The following SORCS1 variants were observed in gnomAD, a reference collection of about 807,000 sequenced individuals.
The protein encoded by SORCS1 is sortilin related VPS10 domain containing receptor 1.
A neutral mutation model predicts 146.1 loss-of-function variants in SORCS1; 60 were observed. The observed-to-expected ratio is 0.41, with a 90% CI of 0.33 to 0.51. The LOEUF is 0.51. SORCS1 is among the 20% of genes least tolerant of loss of function. The pLI is 0.21. For synonymous variants in SORCS1, 637 were observed against 584.0 expected, an observed-to-expected ratio of 1.09 and a Z score of -1.31; for missense variants, 1,352 against 1,487.6, an observed-to-expected ratio of 0.91 and a Z score of 1.50.
intron 3 of SORCS1, among the ~76,000 whole-genome samples, chr10:106,810,178 G>A (rs907935485): frequency 1.3e-5 from 2 of 152,078 alleles, no homozygotes; most frequent in Non-Finnish European, 2.9e-5. Context: ...CTGAGATCAT[G>A]TCACTGCATT....
At chr10:106,824,857 C>T (rs1310338545) in intron 3 of SORCS1, among the ~76,000 whole-genome samples, 2 of 152,110 alleles carry the variant, frequency 1.3e-5, no homozygotes, top group African/African-American at 4.8e-5. Context: ...TTAGAAGAGT[C>T]TCTCAGCAGG....
At chr10:106,727,834 A>G (rs998311649) in intron 6 of SORCS1, among the ~76,000 whole-genome samples, 1 of 152,190 alleles carries the variant, frequency 6.6e-6, no homozygotes, top group Non-Finnish European at 1.5e-5. Context: ...TAGAGAAAAC[A>G]GCATGTACCA....
intron 17 of SORCS1, among the ~76,000 whole-genome samples, chr10:106,664,424 C>T (rs553454733): frequency 5.3e-5 from 8 of 152,184 alleles, no homozygotes; most frequent in East Asian, 1.9e-4. Context: ...AGGTGGATCA[C>T]GAGGTCAGGA....
intron 3 of SORCS1, 43 bp downstream of exon 3, chr10:106,829,531 G>A: frequency 1.4e-6 from 2 of 1,443,258 alleles, no homozygotes; most frequent in Non-Finnish European, 1.9e-6. Flanking sequence ...CAAGACAGAA[G>A]TCACATCATG....
At chr10:106,998,385 T>C (rs999060400) in intron 1 of SORCS1, among the ~76,000 whole-genome samples, 1 of 152,260 alleles carries the variant, frequency 6.6e-6, no homozygotes, top group African/African-American at 2.4e-5. Context: ...CTCTGGCTTC[T>C]TTCATTTTTT....
At chr10:107,009,137 T>C (rs1473026363) in intron 1 of SORCS1, among the ~76,000 whole-genome samples, 1 of 152,220 alleles carries the variant, frequency 6.6e-6, no homozygotes, top group Admixed American at 6.5e-5. Flanking sequence ...TTCTGAAGGG[T>C]CTGAATTAGT....
chr10:106,583,696 G>A (rs1845055316), intron 24 of SORCS1, among the ~76,000 whole-genome samples: 1 of 151,800 alleles, frequency 6.6e-6, no homozygotes, highest in Non-Finnish European at 1.5e-5. Context: ...TTTTAGTAGA[G>A]ATGGGGTTTC....
chr10:106,584,216 A>T (rs1199122090), intron 24 of SORCS1, among the ~76,000 whole-genome samples: 1 of 152,210 alleles, frequency 6.6e-6, no homozygotes, highest in Non-Finnish European at 1.5e-5. Flanking sequence ...ATAGGCAGAA[A>T]GGCTTCCATT....
At chr10:106,945,713 C>T (rs761656920) in intron 2 of SORCS1, among the ~76,000 whole-genome samples, 1 of 152,106 alleles carries the variant, frequency 6.6e-6, no homozygotes, top group Admixed American at 6.5e-5. Context: ...TTATTAGGAC[C>T]TCAGGACAGT....
At chr10:106,642,876 G>C (rs1020816746) in intron 18 of SORCS1, among the ~76,000 whole-genome samples, 5 of 152,194 alleles carry the variant, frequency 3.3e-5, no homozygotes, top group Non-Finnish European at 5.9e-5. Context: ...GAGAAGCCAG[G>C]AGGAAAATTT....
Position 106,733,004 on chromosome 10 carries a change from AG to A in SORCS1, c.960-2891del, listed in dbSNP as rs1158012696. On this transcript the variant is annotated intron_variant, in intron 5 of 25. Coordinates refer to ENST00000263054, the MANE Select transcript of SORCS1 (RefSeq NM_052918.5). ...TGTGGTGGTGTGTACCTGTTTCGGG[AG>A]GCTGAGTCAGGAAAATCCCTTGAAC... 5.9e-5 allele frequency among the ~76,000 whole-genome samples: 9 copies of A among 151,862 alleles called. No individual in the cohort carries two copies. The East Asian group carries it at 1.8e-3, about 30-fold the overall frequency.
chr10:106,956,407 T>C (rs958386122), intron 2 of SORCS1, 106 bp downstream of exon 2: 12 of 936,524 alleles, frequency 1.3e-5, no homozygotes, highest in Non-Finnish European at 2.0e-5. Context: ...AAGCAAGCAG[T>C]GCATATCACC....
chr10:107,026,718 G>A (rs915458483), intron 1 of SORCS1, among the ~76,000 whole-genome samples: 21 of 151,996 alleles, frequency 1.4e-4, no homozygotes, highest in Admixed American at 3.3e-4. Flanking sequence ...TGGGGGAAGC[G>A]GAGCTGTGCT....
chr10:107,034,663 T>G (rs996060440), intron 1 of SORCS1, among the ~76,000 whole-genome samples: 3 of 72,172 alleles, frequency 4.2e-5, no homozygotes, highest in Non-Finnish European at 5.4e-5. Flanking sequence ...CTGGGAAACA[T>G]GAGCGAAACT....
At chr10:106,604,514 T>A (rs1387613830) in intron 23 of SORCS1, among the ~76,000 whole-genome samples, 1 of 152,168 alleles carries the variant, frequency 6.6e-6, no homozygotes, top group African/African-American at 2.4e-5. Flanking sequence ...CTGTGTCTAC[T>A]TTGCTTTGAG....
At chr10:106,740,829 A>G (rs576616629) in intron 5 of SORCS1, among the ~76,000 whole-genome samples, 1 of 152,344 alleles carries the variant, frequency 6.6e-6, no homozygotes, top group Non-Finnish European at 1.5e-5. Flanking sequence ...AAAAGATAAG[A>G]GAAAGACAGT....
At chr10:106,947,849 A>G (rs369952649) in intron 2 of SORCS1, among the ~76,000 whole-genome samples, 4 of 152,148 alleles carry the variant, frequency 2.6e-5, no homozygotes, top group South Asian at 2.1e-4. Flanking sequence ...AAAAAAAAAA[A>G]AGAGAAAAAG....
In SORCS1 at chr10:106,929,042, T is replaced by A. The variant is rs541127739; in HGVS notation, c.626+27471A>T. On this transcript the variant is annotated intron_variant, in intron 2 of 25. Transcript: ENST00000263054. ...CATGCTGATGATGAGACATATTAAA[T>A]CATCCATAAGAAATGCACAGGCTCT... 2.0e-5 allele frequency among the ~76,000 whole-genome samples: 3 copies of A among 152,198 alleles called. No homozygotes were observed. The East Asian group carries it at 5.8e-4, about 29-fold the overall frequency.
At chr10:106,808,153 G>A (rs1947281519) in intron 3 of SORCS1, among the ~76,000 whole-genome samples, 1 of 152,174 alleles carries the variant, frequency 6.6e-6, no homozygotes, top group African/African-American at 2.4e-5. Flanking sequence ...CCGAGTAGCT[G>A]GGATTAAGGC....
Sources: gnomAD v4.1 joint callset for allele counts (sites outside exome capture counted in the v4.1 genomes callset) on GRCh38, gnomAD v4.1.1 for gene constraint, MANE v1.5 for transcripts, NCBI Gene and HGNC (gene_info 2026-07-23, HGNC 2026-07-21) for gene names.